Variants in MSRA observed in about 807,000 individuals in gnomAD.
MSRA encodes the protein mitochondrial peptide methionine sulfoxide reductase.
A neutral mutation model predicts 31.3 loss-of-function variants in MSRA; 54 were observed. The ratio of observed to expected loss-of-function variants is 1.73; its 90% CI spans 1.39 to 2.17. The LOEUF (loss-of-function observed/expected upper bound fraction) is 2.17. Ranked by LOEUF, MSRA falls within the 30% of genes most tolerant of loss-of-function variation. The pLI is 0.00. For synonymous variants in MSRA, 169 were observed against 116.5 expected, an observed-to-expected ratio of 1.45 and a Z score of -2.90; for missense variants, 507 against 300.9, an observed-to-expected ratio of 1.69 and a Z score of -5.07.
intron 3 of MSRA, among the ~76,000 whole-genome samples, chr8:10,298,899 C>G (rs987691915): frequency 1.3e-5 from 2 of 151,918 alleles, no homozygotes; most frequent in African/African-American, 2.4e-5. Flanking sequence ...GAAGTTATAC[C>G]TTTGAGATGG....
At chr8:10,418,912 C>G (rs1279428230) in intron 5 of MSRA, among the ~76,000 whole-genome samples, 1 of 146,502 alleles carries the variant, frequency 6.8e-6, no homozygotes, top group Non-Finnish European at 1.5e-5. Context: ...GAGCCATGAT[C>G]ACGCCACTGC....
intron 5 of MSRA, among the ~76,000 whole-genome samples, chr8:10,392,569 G>A (rs1806813560): frequency 1.3e-5 from 2 of 152,086 alleles, no homozygotes; most frequent in East Asian, 3.9e-4. Flanking sequence ...CAGGAAATGT[G>A]CCCAGCAGCC....
intron 3 of MSRA, among the ~76,000 whole-genome samples, chr8:10,260,135 A>G (rs1798396063): frequency 6.6e-6 from 1 of 152,250 alleles, no homozygotes; most frequent in South Asian, 2.1e-4. Context: ...TGTCAGAAGA[A>G]GTGGCAAAGA....
At chr8:10,178,216 G>A (rs1012659692) in intron 1 of MSRA, among the ~76,000 whole-genome samples, 5 of 151,952 alleles carry the variant, frequency 3.3e-5, no homozygotes, top group African/African-American at 9.7e-5. Flanking sequence ...GAGACCCAGG[G>A]GTGTATTCAC....
chr8:10,258,167 C>A (rs1235403732), intron 3 of MSRA, among the ~76,000 whole-genome samples: 1 of 152,122 alleles, frequency 6.6e-6, no homozygotes. Flanking sequence ...CTTGTGTAAA[C>A]CCCCATAATT....
chr8:10,414,972 G>C (rs527242253), intron 5 of MSRA, among the ~76,000 whole-genome samples: 4 of 152,142 alleles, frequency 2.6e-5, no homozygotes, highest in Non-Finnish European at 5.9e-5. Context: ...ACTCGTAGAG[G>C]AAAAGTCACT....
intron 1 of MSRA, among the ~76,000 whole-genome samples, chr8:10,073,037 G>A (rs894184630): frequency 2.6e-5 from 4 of 152,024 alleles, no homozygotes; most frequent in African/African-American, 9.7e-5. Flanking sequence ...CTATCACCTG[G>A]AAGTAGAGTT....
intron 1 of MSRA, among the ~76,000 whole-genome samples, chr8:10,178,507 A>T (rs1585102779): frequency 6.6e-6 from 1 of 152,218 alleles, no homozygotes; most frequent in East Asian, 1.9e-4. Flanking sequence ...GCTATCATCC[A>T]TATTGCTAAT....
chr8:10,280,355 C>T (rs956308293), intron 3 of MSRA, among the ~76,000 whole-genome samples: 171 of 94,526 alleles, frequency 1.8e-3, no homozygotes, highest in African/African-American at 6.5e-3. Context: ...CTTTTTGCTC[C>T]TTTCTAATAA....
At chr8:10,250,881 C>A in intron 3 of MSRA, 1 of 157,380 alleles carries the variant, frequency 6.4e-6, no homozygotes, top group African/African-American at 2.5e-5. Flanking sequence ...TACCCTAAAA[C>A]TTAAAGTATG....
chr8:10,219,917 C>T (rs1810344056), intron 2 of MSRA, among the ~76,000 whole-genome samples: 1 of 148,798 alleles, frequency 6.7e-6, no homozygotes, highest in Non-Finnish European at 1.5e-5. Context: ...CAATCAAAAT[C>T]AAACAGTGCC....
At chr8:10,155,712 A>T (rs191808648) in intron 1 of MSRA, among the ~76,000 whole-genome samples, 19 of 152,310 alleles carry the variant, frequency 1.2e-4, no homozygotes, top group African/African-American at 4.3e-4. Flanking sequence ...GATGGTTGGA[A>T]CATCAATAAA....
intron 1 of MSRA, among the ~76,000 whole-genome samples, chr8:10,131,704 C>A (rs764689124): frequency 2.0e-5 from 3 of 152,118 alleles, no homozygotes; most frequent in African/African-American, 7.2e-5. Flanking sequence ...GAGATCTTGC[C>A]GTCTCTCATT....
At chr8:10,155,801 G>C (rs911103968) in intron 1 of MSRA, among the ~76,000 whole-genome samples, 1 of 152,122 alleles carries the variant, frequency 6.6e-6, no homozygotes, top group East Asian at 1.9e-4. Context: ...GGCTGGAGCA[G>C]GGAGGGGAAA....
intron 1 of MSRA, among the ~76,000 whole-genome samples, chr8:10,074,118 T>C (rs573982275): frequency 3.6e-4 from 44 of 123,442 alleles, no homozygotes; most frequent in Non-Finnish European, 6.5e-4. Flanking sequence ...AGTCTCGCTC[T>C]GTCCCCCAGG....
intron 4 of MSRA, 24 bp downstream of exon 4, chr8:10,301,662 T>C: frequency 6.4e-7 from 1 of 1,561,118 alleles, no homozygotes; most frequent in Non-Finnish European, 8.8e-7. Flanking sequence ...TGAGCCAGTA[T>C]TTAATTATCT....
chr8:10,397,082 A>G (rs886527169), intron 5 of MSRA, among the ~76,000 whole-genome samples: 3 of 152,152 alleles, frequency 2.0e-5, no homozygotes, highest in Admixed American at 6.5e-5. Context: ...TTGTAGTGAA[A>G]TTTGTGCCTT....
intron 1 of MSRA, among the ~76,000 whole-genome samples, chr8:10,056,789 C>T (rs1802397841): frequency 6.6e-6 from 1 of 152,124 alleles, no homozygotes; most frequent in South Asian, 2.1e-4. Flanking sequence ...TCCACTGCAA[C>T]TTGGATCCTG....
At chr8:10,140,053 G>A (rs780429274) in intron 1 of MSRA, among the ~76,000 whole-genome samples, 3 of 152,224 alleles carry the variant, frequency 2.0e-5, no homozygotes, top group African/African-American at 7.2e-5. Flanking sequence ...CCGAAATGAA[G>A]AGCGAGGGAA....
Sources: allele counts gnomAD v4.1 joint callset (sites outside exome capture counted in the v4.1 genomes callset), GRCh38; gene constraint gnomAD v4.1.1; transcripts MANE v1.5; gene names NCBI Gene and HGNC (gene_info 2026-07-23, HGNC 2026-07-21).